Variants in ANK1 observed in about 807,000 individuals in gnomAD.
ANK1 encodes the protein ankyrin 1, also known as ankyrin-1.
ANK1 carries 51 observed loss-of-function variants against 210.4 expected under a neutral mutation model. That is an observed-to-expected ratio of 0.24 (90% CI 0.19 to 0.31). The LOEUF (loss-of-function observed/expected upper bound fraction) is 0.31. Among genes scored for constraint, ANK1 ranks in the 10% least tolerant of loss-of-function variants. The probability of loss-of-function intolerance (pLI) is 1.00; values close to 1 mark genes in which losing one functional copy is unlikely to be tolerated. For synonymous variants in ANK1, 967 were observed against 1,025.9 expected (o/e 0.94, Z 1.10); for missense variants, 2,051 against 2,504.4 (o/e 0.82, Z 3.86).
At chr8:41,895,672 C>T (rs1336398664) in intron 1 of ANK1, among the ~76,000 whole-genome samples, 1 of 152,104 alleles carries the variant, frequency 6.6e-6, no homozygotes, top group Non-Finnish European at 1.5e-5. Flanking sequence ...AGGAACTTCC[C>T]CTCCCTGGCA....
chr8:41,802,884 G>C (rs1850108929), intron 1 of ANK1, among the ~76,000 whole-genome samples: 1 of 130,736 alleles, frequency 7.6e-6, no homozygotes, highest in Non-Finnish European at 1.6e-5. Context: ...CGGCACTCCA[G>C]CCTGGGTAAT....
chr8:41,757,868 C>T (rs576685740), intron 2 of ANK1, among the ~76,000 whole-genome samples, 168 bp downstream of exon 2: 5 of 152,332 alleles, frequency 3.3e-5, no homozygotes, highest in East Asian at 1.9e-4. Flanking sequence ...CCCTGGGCCA[C>T]GGCAGGAGTG....
intron 6 of ANK1, 41 bp from the exon 7 acceptor site, chr8:41,724,595 T>A: frequency 6.5e-7 from 1 of 1,534,292 alleles, no homozygotes; most frequent in Non-Finnish European, 8.8e-7. Flanking sequence ...TATATGTGAT[T>A]TACTTCTATC....
chr8:41,655,394 TAA>T lies in ANK1; in HGVS notation c.*394_*395del. 7.3e-6 allele frequency: 2 copies of T among 273,810 alleles called. No homozygotes were observed. The highest frequency in any genetic ancestry group is 1.4e-5 in the Non-Finnish European group (2 of 147,092). 17.0% of individuals were successfully genotyped at this position (273,810 alleles called of 1,614,324 possible). On this transcript the variant is annotated 3_prime_UTR_variant, in exon 43 of 43. Coordinates refer to ENST00000289734, the MANE Select transcript of ANK1 (RefSeq NM_000037.4). ...TACCCTGTACGAAGTCAAAACAATT[TAA>T]AAAAAAAACCCCAAAACCAAAACCC... is the stretch of plus-strand genomic sequence containing the variant.
At chr8:41,793,345 A>G (rs1009747759) in intron 1 of ANK1, among the ~76,000 whole-genome samples, 1 of 152,146 alleles carries the variant, frequency 6.6e-6, no homozygotes, top group African/African-American at 2.4e-5. Flanking sequence ...GTGCCACTGC[A>G]CTCCAGCCTG....
chr8:41,690,322 C>G lies in ANK1; in HGVS notation c.4009G>C (p.Gly1337Arg). The change falls in exon 33 of 43, where the codon GGA becomes CGA. Residue 1337 changes from glycine (G) to arginine (R), a missense_variant. This residue lies in a region of ANK1 where 1,413 missense variants were observed against 1,707.4 expected (regional missense o/e 0.83). Transcript: ENST00000289734. ...TTGCGCAGAAACGACAGGGACCCTC[C>G]CGGCTCTCGACTGCTGTCCCTCACC... ...VKVRDSSREP[G>R]GSLSFLRKAM... The G allele has an allele frequency of 6.2e-7, 1 of 1,614,264 alleles. No homozygotes were observed. The highest frequency in any genetic ancestry group is 8.5e-7 in the Non-Finnish European group (1 of 1,180,052).
At chr8:41,822,116 AAGAAAG>A (rs1410939751) in intron 1 of ANK1, among the ~76,000 whole-genome samples, 1 of 28,994 alleles carries the variant, frequency 3.4e-5, no homozygotes, top group Non-Finnish European at 7.7e-5. Context: ...GAGAGAGAGA[AAGAAAG>A]AGAAAGAAAG....
rs1343897799 is a variant in ANK1, at chr8:41,675,731, C to G, written c.4538-2819G>C. Among the ~76,000 whole-genome samples, 8 of 152,196 alleles carry G rather than the reference C, an allele frequency of 5.3e-5. 1 individual carries two copies. The highest frequency in any genetic ancestry group is 5.2e-4 in the Admixed American group (8 of 15,284). On this transcript the variant is annotated intron_variant, in intron 37 of 42. Coordinates refer to ENST00000289734, the MANE Select transcript of ANK1 (RefSeq NM_000037.4). ...GTCACCCCAGAAAGGTCTCCTCAAG[C>G]TTCTTTGTAATCTCTCCCTGCCCTT...
chr8:41,844,717 TA>T (rs1370839995), intron 1 of ANK1, among the ~76,000 whole-genome samples: 1 of 152,232 alleles, frequency 6.6e-6, no homozygotes, highest in African/African-American at 2.4e-5. Flanking sequence ...AAAAAGTCTC[TA>T]AAGAGCTTTG....
At chr8:41,758,921 G>C (rs913197314) in intron 1 of ANK1, among the ~76,000 whole-genome samples, 1 of 151,854 alleles carries the variant, frequency 6.6e-6, no homozygotes, top group Non-Finnish European at 1.5e-5. Flanking sequence ...TTTAGAGATG[G>C]GGTCTCACTA....
At chr8:41,750,954 A>G (rs1051144215) in intron 2 of ANK1, among the ~76,000 whole-genome samples, 1 of 152,194 alleles carries the variant, frequency 6.6e-6, no homozygotes, top group East Asian at 1.9e-4. Context: ...AATAGAACAG[A>G]AAACTAAAAG....
At chr8:41,837,697 C>G (rs954652389) in intron 1 of ANK1, among the ~76,000 whole-genome samples, 1 of 151,974 alleles carries the variant, frequency 6.6e-6, no homozygotes, top group Non-Finnish European at 1.5e-5. Context: ...CATGGTGAAA[C>G]CCCATGTCTA....
chr8:41,718,057 CG>C, intron 11 of ANK1, 48 bp downstream of exon 11: 2 of 1,565,100 alleles, frequency 1.3e-6, no homozygotes, highest in Non-Finnish European at 8.8e-7. Context: ...GAAGGTGGGT[CG>C]GGGGAGACCA....
At chr8:41,665,146 A>C in intron 39 of ANK1, 1 of 1,537,026 alleles carries the variant, frequency 6.5e-7, no homozygotes, top group Non-Finnish European at 8.7e-7. Context: ...CCCCCTCCCT[A>C]TCTCTCTGGT....
intron 1 of ANK1, among the ~76,000 whole-genome samples, chr8:41,869,198 G>A (rs1364325111): frequency 4.1e-5 from 6 of 147,838 alleles, no homozygotes; most frequent in Non-Finnish European, 5.9e-5. Flanking sequence ...GGTTGGACCC[G>A]ATGGTCCCTT....
intron 1 of ANK1, among the ~76,000 whole-genome samples, chr8:41,870,171 A>C (rs763624659): frequency 1.3e-5 from 2 of 152,080 alleles, no homozygotes; most frequent in African/African-American, 2.4e-5. Flanking sequence ...TGAAATGAGG[A>C]GGAGGCTGAG....
intron 1 of ANK1, among the ~76,000 whole-genome samples, chr8:41,761,761 G>A (rs372103636): frequency 7.9e-4 from 120 of 152,192 alleles, no homozygotes; most frequent in Admixed American, 6.3e-3. Flanking sequence ...ACAAAGCAGC[G>A]CTTCACGTCT....
intron 5 of ANK1, among the ~76,000 whole-genome samples, chr8:41,726,769 C>T (rs1247775297): frequency 1.3e-5 from 2 of 152,204 alleles, no homozygotes; most frequent in Non-Finnish European, 2.9e-5. Context: ...GGAATGACAA[C>T]AAAGTCATGT....
At chr8:41,675,911 T>C (rs1002529556) in intron 37 of ANK1, among the ~76,000 whole-genome samples, 2 of 152,242 alleles carry the variant, frequency 1.3e-5, no homozygotes, top group Admixed American at 1.3e-4. Flanking sequence ...CTCAACGTAG[T>C]CAATTTGGGT....
Sources: allele counts gnomAD v4.1 joint callset (sites outside exome capture counted in the v4.1 genomes callset), GRCh38; gene constraint gnomAD v4.1.1; regional missense constraint gnomAD v4.1.1; transcripts MANE v1.5; gene names NCBI Gene and HGNC (gene_info 2026-07-23, HGNC 2026-07-21).